The following ALDH5A1 variants were observed in gnomAD, a reference collection of about 807,000 sequenced individuals.
ALDH5A1 encodes the protein aldehyde dehydrogenase 5 family member A1, also known as succinate-semialdehyde dehydrogenase, mitochondrial.
Under a neutral mutation model 54.7 loss-of-function variants are expected in ALDH5A1, and 33 were observed. The observed-to-expected ratio is 0.60, with a 90% CI of 0.46 to 0.81. The LOEUF (loss-of-function observed/expected upper bound fraction) is 0.81. Ranked by LOEUF, ALDH5A1 falls within the 30% of genes least tolerant of loss-of-function variation. The pLI is 0.00. For missense variants in ALDH5A1, 657 were observed against 711.0 expected (o/e 0.92, Z 0.86); for synonymous variants, 294 against 292.7 (o/e 1.00, Z -0.05).
rs1225985397 is a variant in ALDH5A1 at position 24,495,254 on chromosome 6, T to C, written c.258T>C (p.Ala86=). The C allele has an allele frequency of 5.2e-6, 8 of 1,528,972 alleles. No homozygotes were observed. The highest frequency in any genetic ancestry group is 7.0e-6 in the Non-Finnish European group (8 of 1,144,794). 94.7% of individuals were successfully genotyped at this position (1,528,972 alleles called of 1,614,324 possible). A position where few individuals can be genotyped will look rare whatever the true frequency, so the allele number is the denominator to read the frequency against. The change falls in exon 1 of 10, where the codon GCT becomes GCC. Residue 86 remains alanine (A), a synonymous_variant. Transcript: ENST00000357578. ...TGCAAGACCCGGCCAGCGGCGCCGCTCTGGGCATGGTAGCCGACTGCGGGG... is the reference window on the plus strand; with the variant it reads ...TGCAAGACCCGGCCAGCGGCGCCGCCCTGGGCATGGTAGCCGACTGCGGGG... ...FPVQDPASGA[A]LGMVADCGVR...
chr6:24,520,511 G>C lies in ALDH5A1; in HGVS notation c.981G>C (p.Gly327=). ...DSANVDQAVA[G]AMASKFRNTG... Reference sequence around the variant, plus strand: ...CCAACGTGGACCAGGCTGTAGCAGGGGCCATGGCATCTAAATTTAGGAACA... The same window carrying C: ...CCAACGTGGACCAGGCTGTAGCAGGCGCCATGGCATCTAAATTTAGGAACA... Residue 327 remains glycine, a synonymous_variant, in exon 6 of 10, where the codon GGG becomes GGC. Transcript: ENST00000357578. 1 of 1,614,084 alleles carries C rather than the reference G, an allele frequency of 6.2e-7. No individual in the cohort carries two copies. Among genetic ancestry groups the C allele is most frequent in the Non-Finnish European group, 8.5e-7 (1 of 1,180,010 alleles).
Position 24,519,681 on chromosome 6 carries a change from C to T in ALDH5A1, c.871-720C>T, listed in dbSNP as rs549023595. Among the ~76,000 whole-genome samples the T allele has an allele frequency of 1.1e-3, 170 of 151,528 alleles. 4 individuals are homozygous for T. The Middle Eastern group carries it at 0.042, about 37-fold the overall frequency. On this transcript the variant is annotated intron_variant, in intron 5 of 9. Transcript: ENST00000357578. ...AGGGTTATGAAAATTTTAAGATAGA[C>T]GTCCCAAATATGTGATTCATTGGGA...
intron 5 of ALDH5A1, among the ~76,000 whole-genome samples, chr6:24,519,522 G>A (rs1008135046): frequency 2.6e-5 from 4 of 152,076 alleles, no homozygotes; most frequent in Non-Finnish European, 4.4e-5. Context: ...TGGAGATTGC[G>A]CCACTGCACT....
intron 4 of ALDH5A1, among the ~76,000 whole-genome samples, chr6:24,506,240 T>A (rs1759349215): frequency 7.6e-6 from 1 of 131,348 alleles, no homozygotes; most frequent in African/African-American, 2.8e-5. Flanking sequence ...TCTTTCCTGG[T>A]TCCTTTTTTT....
In ALDH5A1 at chr6:24,534,487, G is replaced by A. The variant is rs1170016460; in HGVS notation, c.*775G>A. 2 of 152,418 alleles carry A rather than the reference G, an allele frequency of 1.3e-5. No individual in the cohort carries two copies. Among genetic ancestry groups the A allele is most frequent in the Non-Finnish European group, 2.9e-5 (2 of 68,248 alleles). The allele number at this position is 152,418 out of a possible 1,614,324, so 9.4% of individuals were successfully genotyped here. A position where few individuals can be genotyped will look rare whatever the true frequency, so the allele number is the denominator to read the frequency against. The stretch of plus-strand genomic sequence containing the variant: ...TAGGATGGAAGGCACGCAGTGGCAT[G>A]GCCTGGCTCCTTCCCTGAGTGGCCT... On this transcript the variant is annotated 3_prime_UTR_variant, in exon 10 of 10. Transcript: ENST00000357578.
intron 6 of ALDH5A1, among the ~76,000 whole-genome samples, chr6:24,521,960 G>A (rs111427144): frequency 0.08 from 11,807 of 147,390 alleles, 1,050 homozygotes; most frequent in African/African-American, 0.23. Context: ...TCCACCTCCC[G>A]GATTCAAGAG....
chr6:24,499,152 C>T (rs1359370059), intron 1 of ALDH5A1, among the ~76,000 whole-genome samples: 28 of 150,130 alleles, frequency 1.9e-4, no homozygotes. Flanking sequence ...GGCATTGTGG[C>T]ATGCACCTGT....
chr6:24,528,034 C>G lies in ALDH5A1; in HGVS notation c.1211C>G (p.Ala404Gly), dbSNP rs139719918. ...KQVNDAVSKGATVVTGGKRHQ... is the reference protein window; with the variant it reads ...KQVNDAVSKGGTVVTGGKRHQ... The stretch of plus-strand genomic sequence containing the variant: ...GTGAATGATGCCGTTTCTAAAGGTG[C>G]CACCGTTGTGACAGGTGGAAAACGA... The change falls in exon 8 of 10, where the codon GCC (alanine) becomes GGC (glycine). Residue 404 changes from alanine (A) to glycine (G), a missense_variant. Physicochemically the swap from Ala to Gly is moderately conservative, Grantham distance 60. Transcript: ENST00000357578. 234 of 1,614,092 alleles carry G rather than the reference C, an allele frequency of 1.4e-4. No individual in the cohort carries two copies. Among genetic ancestry groups the G allele is most frequent in the Admixed American group, 1.1e-3 (66 of 60,024 alleles).
chr6:24,514,897 C>G (rs764684888), intron 4 of ALDH5A1, among the ~76,000 whole-genome samples: 5 of 152,124 alleles, frequency 3.3e-5, no homozygotes, highest in Middle Eastern at 3.4e-3. Flanking sequence ...CTCTGCCTCC[C>G]AAAGCGCTGA....
chr6:24,500,047 A>G (rs1034326185), intron 1 of ALDH5A1, among the ~76,000 whole-genome samples: 1 of 151,382 alleles, frequency 6.6e-6, no homozygotes, highest in Non-Finnish European at 1.5e-5. Context: ...GCCACAAGCA[A>G]CCCTCCCTCC....
chr6:24,514,004 G>A (rs994238795), intron 4 of ALDH5A1, among the ~76,000 whole-genome samples: 12 of 152,164 alleles, frequency 7.9e-5, no homozygotes, highest in African/African-American at 2.9e-4. Flanking sequence ...AGGATATTGA[G>A]GGAGACTCAC....
At chr6:24,525,550 A>G (rs914127251) in intron 7 of ALDH5A1, among the ~76,000 whole-genome samples, 11 of 151,900 alleles carry the variant, frequency 7.2e-5, no homozygotes, top group African/African-American at 2.7e-4. Context: ...AAAAAAAAGA[A>G]AAGAAAAATT....
At chr6:24,528,780 C>T (rs1208200609) in intron 8 of ALDH5A1, among the ~76,000 whole-genome samples, 1 of 150,294 alleles carries the variant, frequency 6.7e-6, no homozygotes, top group African/African-American at 2.5e-5. Flanking sequence ...ATGATCTCAG[C>T]GATTCTCGTG....
chr6:24,513,602 T>C (rs1256539543), intron 4 of ALDH5A1, among the ~76,000 whole-genome samples: 2 of 147,378 alleles, frequency 1.4e-5, no homozygotes, highest in East Asian at 4.0e-4. Context: ...TCATCTTTCA[T>C]CACACGGCTC....
intron 1 of ALDH5A1, among the ~76,000 whole-genome samples, chr6:24,496,321 T>C (rs1253503013): frequency 1.3e-5 from 2 of 152,042 alleles, no homozygotes; most frequent in African/African-American, 4.8e-5. Flanking sequence ...ACAAACATAA[T>C]ATCTAAGCAA....
intron 5 of ALDH5A1, among the ~76,000 whole-genome samples, chr6:24,519,336 A>G (rs1268523575): frequency 6.6e-6 from 1 of 152,168 alleles, no homozygotes; most frequent in Non-Finnish European, 1.5e-5. Context: ...AGGCTGAGGC[A>G]GACAGATCAC....
chr6:24,528,273 A>G (rs1759860881), intron 8 of ALDH5A1, 107 bp downstream of exon 8: 3 of 1,267,446 alleles, frequency 2.4e-6, no homozygotes, highest in East Asian at 2.4e-5. Flanking sequence ...GGAGGCAGAC[A>G]GTTGTGTTGA....
At chr6:24,525,640 G>A (rs996764481) in intron 7 of ALDH5A1, among the ~76,000 whole-genome samples, 3 of 152,048 alleles carry the variant, frequency 2.0e-5, no homozygotes, top group Admixed American at 6.6e-5. Flanking sequence ...CCCACGAGGC[G>A]GAGGTTGCAG....
chr6:24,522,455 G>C (rs188242852), intron 6 of ALDH5A1, among the ~76,000 whole-genome samples: 1 of 144,032 alleles, frequency 6.9e-6, no homozygotes, highest in Non-Finnish European at 1.6e-5. Context: ...ACATGGATTG[G>C]GTGGCTTTTT....
Sources: gnomAD v4.1 joint callset for allele counts (sites outside exome capture counted in the v4.1 genomes callset) on GRCh38, gnomAD v4.1.1 for gene constraint, MANE v1.5 for transcripts, NCBI Gene and HGNC (gene_info 2026-07-23, HGNC 2026-07-21) for gene names.